The following PLSCR5 variants were observed in gnomAD, a reference collection of about 807,000 sequenced individuals.
PLSCR5 encodes phospholipid scramblase family member 5, also known as phospholipid scramblase family, member 5.
In PLSCR5, 44 loss-of-function variants were observed where a neutral mutation model predicts 33.6. The observed-to-expected ratio is 1.31, with a 90% CI of 1.03 to 1.69. PLSCR5 has a LOEUF of 1.69. PLSCR5 is among the 40% of genes most tolerant of loss of function. The pLI is 0.00. For missense variants in PLSCR5, 375 were observed against 318.7 expected, an observed-to-expected ratio of 1.18 and a Z score of -1.34; for synonymous variants, 148 against 112.3, an observed-to-expected ratio of 1.32 and a Z score of -2.01.
At chr3:146,596,303 C>T (rs939449560) in intron 2 of PLSCR5, among the ~76,000 whole-genome samples, 1 of 152,150 alleles carries the variant, frequency 6.6e-6, no homozygotes, top group Non-Finnish European at 1.5e-5. Context: ...ATTCTCGTGC[C>T]TCAGCCACCT....
chr3:146,585,948 A>G lies in PLSCR5; in HGVS notation c.*45-6T>C. On this transcript the variant is annotated splice_region_variant and splice_polypyrimidine_tract_variant and intron_variant, in intron 7 of 7. Transcript: ENST00000443512. ...ATCCAGAGCCCAAGGGATTTCTAGA[A>G]GAAAATGAAAAAGAGTTAGATAGCG... 3.8e-6 allele frequency: 4 copies of G among 1,049,640 alleles called. No individual in the cohort carries two copies. In the South Asian group the frequency reaches 7.5e-5, roughly 20 times the overall value. The allele number at this position is 1,049,640 out of a possible 1,614,324, so 65.0% of individuals were successfully genotyped here. A position where few individuals can be genotyped will look rare whatever the true frequency, so the allele number is the denominator to read the frequency against.
At chr3:146,585,180 A>G (rs937523909), downstream of PLSCR5, among the ~76,000 whole-genome samples, 1 of 152,092 alleles carries the variant, frequency 6.6e-6, no homozygotes, top group Non-Finnish European at 1.5e-5. Context: ...GGACTCTTTT[A>G]CTTCTGCATT....
chr3:146,594,344 ATAAT>A (rs1052871683), intron 3 of PLSCR5, among the ~76,000 whole-genome samples: 4 of 152,134 alleles, frequency 2.6e-5, no homozygotes, highest in African/African-American at 9.7e-5. Context: ...ATAAAGCTAT[ATAAT>A]TAATTAATGT....
At chr3:146,595,356 G>A (rs1297532416) in intron 2 of PLSCR5, among the ~76,000 whole-genome samples, 1 of 152,190 alleles carries the variant, frequency 6.6e-6, no homozygotes, top group Non-Finnish European at 1.5e-5. Context: ...AGTGGCTCAT[G>A]CCTATAAATC....
Position 146,597,497 on chromosome 3 carries a change from C to T in PLSCR5, c.190-2414G>A, listed in dbSNP as rs555835325. Among the ~76,000 whole-genome samples, 5 of 152,212 alleles carry T rather than the reference C, an allele frequency of 3.3e-5. 1 individual carries two copies. The South Asian group carries it at 1.0e-3, about 32-fold the overall frequency. ...ACGACATGAAACTTGAGTACCTTTC[C>T]TATTTTCTTTACTCTTATACCCTCC... On this transcript the variant is annotated intron_variant, in intron 2 of 7. Coordinates refer to ENST00000443512, the MANE Select transcript of PLSCR5 (RefSeq NM_001085420.2).
At chr3:146,589,632 G>A (rs752530999) in intron 6 of PLSCR5, 21 bp downstream of exon 6, 8 of 1,519,346 alleles carry the variant, frequency 5.3e-6, no homozygotes, top group Non-Finnish European at 7.2e-6. Context: ...AATCACTCAT[G>A]CTCTCAAAGC....
At chr3:146,601,552 A>G (rs750481957) in intron 1 of PLSCR5, among the ~76,000 whole-genome samples, 6 of 152,140 alleles carry the variant, frequency 3.9e-5, no homozygotes, top group Admixed American at 2.0e-4. Context: ...AGTAAATCAG[A>G]TTGTCCTAAA....
chr3:146,580,454 C>CT (rs1170556618), intron 7 of PLSCR5, among the ~76,000 whole-genome samples: 927 of 60,562 alleles, frequency 0.015, 159 homozygotes, highest in Non-Finnish European at 0.018. Flanking sequence ...TTTGAATTTG[C>CT]TTTTTTTTTT....
chr3:146,595,492 C>T (rs1186281929), intron 2 of PLSCR5, among the ~76,000 whole-genome samples: 1 of 151,968 alleles, frequency 6.6e-6, no homozygotes, highest in Non-Finnish European at 1.5e-5. Context: ...GCCTCTAGTC[C>T]CAGCTACACA....
At chr3:146,585,366 A>G (rs2044658982), downstream of PLSCR5, among the ~76,000 whole-genome samples, 1 of 152,034 alleles carries the variant, frequency 6.6e-6, no homozygotes, top group Non-Finnish European at 1.5e-5. Context: ...TGCTTATTTA[A>G]ATCTCTGGCA....
chr3:146,600,262 C>A (rs773946792), intron 2 of PLSCR5, 26 bp downstream of exon 2: 1 of 1,465,534 alleles, frequency 6.8e-7, no homozygotes, highest in South Asian at 1.5e-5. Flanking sequence ...TAGAACATAT[C>A]TGTAGTAATA....
intron 7 of PLSCR5, among the ~76,000 whole-genome samples, chr3:146,579,043 T>C (rs1366629415): frequency 2.0e-5 from 3 of 152,100 alleles, no homozygotes; most frequent in Admixed American, 6.5e-5. Flanking sequence ...TATTTAAATA[T>C]GTGATGCCTA....
chr3:146,595,649 A>G (rs1329161846), intron 2 of PLSCR5, among the ~76,000 whole-genome samples: 1 of 152,200 alleles, frequency 6.6e-6, no homozygotes, highest in Non-Finnish European at 1.5e-5. Context: ...AGACAGAACT[A>G]ACTCTGTGTT....
chr3:146,589,896 A>T, intron 5 of PLSCR5, 82 bp from the exon 6 acceptor site: 1 of 840,874 alleles, frequency 1.2e-6, no homozygotes. Flanking sequence ...ACTTCATGAG[A>T]GATTTGAATT....
At chr3:146,605,157 T>C (rs1576826344) in intron 1 of PLSCR5, 43 bp downstream of exon 1, 1 of 1,570,528 alleles carries the variant, frequency 6.4e-7, no homozygotes, top group Middle Eastern at 1.7e-4. Flanking sequence ...ATTTTTAGTC[T>C]TAATATAAGA....
chr3:146,591,657 G>A lies in PLSCR5; in HGVS notation c.615+63C>T, dbSNP rs1374506311. On this transcript the variant is annotated intron_variant, in intron 5 of 7. Coordinates refer to ENST00000443512, the MANE Select transcript of PLSCR5 (RefSeq NM_001085420.2). ...AAATTAATTTGAACATAAAAAAATT[G>A]AATTATGTTGCAAAAAAAAATCAGG... The A allele has an allele frequency of 4.1e-6, 6 of 1,464,750 alleles. No homozygotes were observed. The African/African-American group carries it at 8.6e-5, about 21-fold the overall frequency. 90.7% of individuals were successfully genotyped at this position (1,464,750 alleles called of 1,614,324 possible).
At chr3:146,599,670 T>C (rs2044793893) in intron 2 of PLSCR5, among the ~76,000 whole-genome samples, 1 of 122,586 alleles carries the variant, frequency 8.2e-6, no homozygotes, top group Non-Finnish European at 1.7e-5. Flanking sequence ...AGAAAATTTC[T>C]TTTCTTTTCT....
intron 4 of PLSCR5, 52 bp from the exon 5 acceptor site, chr3:146,591,933 A>C: frequency 1.4e-6 from 2 of 1,407,146 alleles, no homozygotes; most frequent in South Asian, 1.4e-5. Context: ...ATCATATTTT[A>C]ATTTTACTAT....
intron 6 of PLSCR5, 42 bp downstream of exon 6, chr3:146,589,611 G>A (rs765943648): frequency 1.4e-6 from 2 of 1,443,520 alleles, no homozygotes; most frequent in East Asian, 2.4e-5. Flanking sequence ...CAAGCAAGAG[G>A]GAGAATAACA....
Sources: allele counts gnomAD v4.1 joint callset (sites outside exome capture counted in the v4.1 genomes callset), GRCh38; gene constraint gnomAD v4.1.1; transcripts MANE v1.5; gene names NCBI Gene and HGNC (gene_info 2026-07-23, HGNC 2026-07-21).